The following FBXO31 variants were observed in gnomAD, a reference collection of about 807,000 sequenced individuals.
FBXO31 encodes the protein F-box protein 31, also known as F-box only protein 31.
A neutral mutation model predicts 54.4 loss-of-function variants in FBXO31; 24 were observed. That is an observed-to-expected ratio of 0.44 (90% CI 0.32 to 0.62). FBXO31 has a LOEUF of 0.62. FBXO31 is among the 20% of genes least tolerant of loss of function. The pLI, the probability that FBXO31 is intolerant of heterozygous loss-of-function variation, is 0.05. For synonymous variants in FBXO31, 388 were observed against 335.6 expected (o/e 1.16, Z -1.71); for missense variants, 665 against 787.1 (o/e 0.84, Z 1.86).
rs140255011 is a variant in FBXO31 at position 87,331,846 on chromosome 16, C to T, written c.1398-336G>A. On this transcript the variant is annotated intron_variant, in intron 8 of 8. Coordinates refer to ENST00000311635, the MANE Select transcript of FBXO31 (RefSeq NM_024735.5). ...ACAATGCTGAAACACTGAACTAAAA[C>T]GAGGTCTCTGCAGGCCCAGAGAGCT... 4.1e-3 allele frequency among the ~76,000 whole-genome samples: 623 copies of T among 152,334 alleles called. 2 individuals carry two copies. Among genetic ancestry groups the T allele is most frequent in the African/African-American group, 0.014 (585 of 41,580 alleles).
intron 2 of FBXO31, among the ~76,000 whole-genome samples, chr16:87,354,426 G>A (rs1401256484): frequency 6.6e-6 from 1 of 151,642 alleles, no homozygotes; most frequent in Non-Finnish European, 1.5e-5. Flanking sequence ...AGCCATAACC[G>A]CGCCAGTACT....
chr16:87,369,497 C>T (rs192120595), intron 1 of FBXO31, among the ~76,000 whole-genome samples: 156 of 152,342 alleles, frequency 1.0e-3, no homozygotes, highest in Non-Finnish European at 3.8e-4. Flanking sequence ...CTGCGTGCAT[C>T]ATCAGGATTT....
intron 8 of FBXO31, 121 bp from the exon 9 acceptor site, chr16:87,331,631 G>GAA: frequency 6.0e-6 from 5 of 837,328 alleles, no homozygotes; most frequent in Non-Finnish European, 9.2e-6. Flanking sequence ...TCATCAGCCA[G>GAA]AAGCTGACTC....
chr16:87,333,091 A>G (rs1029232302), intron 8 of FBXO31, among the ~76,000 whole-genome samples: 1 of 152,236 alleles, frequency 6.6e-6, no homozygotes, highest in African/African-American at 2.4e-5. Context: ...TCTAAAGGGT[A>G]AGGACACGGG....
At chr16:87,340,656 T>C (rs1905163029) in intron 5 of FBXO31, among the ~76,000 whole-genome samples, 1 of 152,048 alleles carries the variant, frequency 6.6e-6, no homozygotes, top group Non-Finnish European at 1.5e-5. Flanking sequence ...TACATCTGCT[T>C]ATGTAAAAAT....
rs1006883814 is a variant in FBXO31 at position 87,338,277 on chromosome 16, G to A, written c.733-2013C>T. Among the ~76,000 whole-genome samples the A allele has an allele frequency of 9.3e-5, 14 of 150,982 alleles. No individual in the cohort carries two copies. The highest frequency in any genetic ancestry group is 1.5e-4 in the Non-Finnish European group (10 of 67,862). Reference sequence around the variant, plus strand: ...GGGAGCCCAGGACATGCACGACAACGATCAACTTCACGTTGACCCAGGGCC... The same window carrying A: ...GGGAGCCCAGGACATGCACGACAACAATCAACTTCACGTTGACCCAGGGCC... On this transcript the variant is annotated intron_variant, in intron 5 of 8. Coordinates refer to ENST00000311635, the MANE Select transcript of FBXO31 (RefSeq NM_024735.5). This position sits in a 1 kb window ranked among gnomAD's most constrained non-coding sequence, Gnocchi z 4.3.
Position 87,330,922 on chromosome 16 carries a change from AGG to A in FBXO31, c.*364_*365del. The A allele has an allele frequency of 3.8e-6, 1 of 260,538 alleles. No homozygotes were observed. The highest frequency in any genetic ancestry group is 7.6e-6 in the Non-Finnish European group (1 of 131,428). The allele number at this position is 260,538 out of a possible 1,614,324, so 16.1% of individuals were successfully genotyped here. A position where few individuals can be genotyped will look rare whatever the true frequency, so the allele number is the denominator to read the frequency against. On this transcript the variant is annotated 3_prime_UTR_variant, in exon 9 of 9. Transcript: ENST00000311635. ...CCAGTCTATCACTCTATCCGCTCAC[AGG>A]AAGAGCACCAGTCAGGAGGGTCCTG...
chr16:87,346,290 G>A lies in FBXO31; in HGVS notation c.489+884C>T, dbSNP rs911747116. Among the ~76,000 whole-genome samples, 8 of 151,906 alleles carry A rather than the reference G, an allele frequency of 5.3e-5. No individual in the cohort carries two copies. The East Asian group carries it at 1.2e-3, about 22-fold the overall frequency. Reference sequence around the variant, plus strand: ...GGCCTCTTGAGGAGACCAGGCCACGGCACCCAGCAAGTGCCCAGGCGCACA... The same window carrying A: ...GGCCTCTTGAGGAGACCAGGCCACGACACCCAGCAAGTGCCCAGGCGCACA... On this transcript the variant is annotated intron_variant, in intron 3 of 8. Coordinates refer to ENST00000311635, the MANE Select transcript of FBXO31 (RefSeq NM_024735.5). The surrounding 1 kb of genome is among the most constrained non-coding windows in gnomAD (Gnocchi z 4.2).
chr16:87,334,993 T>C (rs1237265059), intron 7 of FBXO31, among the ~76,000 whole-genome samples: 1 of 152,210 alleles, frequency 6.6e-6, no homozygotes, highest in East Asian at 1.9e-4. Flanking sequence ...TGAGCCTCTG[T>C]GTGGGGTCTG....
At chr16:87,379,239 T>C (rs763724975) in intron 1 of FBXO31, among the ~76,000 whole-genome samples, 21 of 152,166 alleles carry the variant, frequency 1.4e-4, no homozygotes, top group South Asian at 4.2e-4. Context: ...AGCAATTCTC[T>C]GTAGGACAGA....
intron 1 of FBXO31, among the ~76,000 whole-genome samples, chr16:87,380,156 G>A (rs1183378956): frequency 6.6e-6 from 1 of 151,340 alleles, no homozygotes; most frequent in Non-Finnish European, 1.5e-5. Flanking sequence ...AAATTAGCCG[G>A]GCATAGTGGC....
At chr16:87,350,105 C>T (rs1219878869) in intron 2 of FBXO31, among the ~76,000 whole-genome samples, 2 of 152,080 alleles carry the variant, frequency 1.3e-5, no homozygotes, top group East Asian at 1.9e-4. Flanking sequence ...TGTGACTGGA[C>T]GAATGGGCAG....
intron 2 of FBXO31, among the ~76,000 whole-genome samples, chr16:87,353,037 G>A (rs564826786): frequency 1.1e-3 from 175 of 152,286 alleles, no homozygotes; most frequent in African/African-American, 4.0e-3. Flanking sequence ...GTGTTGCTCA[G>A]GGGACTCTAC....
In FBXO31 at chr16:87,336,686, T is replaced by A. The variant is rs1597358807; in HGVS notation, c.733-422A>T. On this transcript the variant is annotated intron_variant, in intron 5 of 8. Transcript: ENST00000311635. This position sits in a 1 kb window ranked among gnomAD's most constrained non-coding sequence, Gnocchi z 6.5. ...TCTCTGGCTCCTGGGAGCCTGAGTG[T>A]TCCAGAAGCCCTCACCACCAACCCT... is the stretch of plus-strand genomic sequence containing the variant. Among the ~76,000 whole-genome samples the A allele has an allele frequency of 6.6e-6, 1 of 152,144 alleles. No homozygotes were observed. Among genetic ancestry groups the A allele is most frequent in the African/African-American group, 2.4e-5 (1 of 41,430 alleles).
At chr16:87,332,887 CA>C (rs1345957762) in intron 8 of FBXO31, among the ~76,000 whole-genome samples, 3 of 152,184 alleles carry the variant, frequency 2.0e-5, no homozygotes, top group Non-Finnish European at 4.4e-5. Flanking sequence ...ACTTTGATGC[CA>C]GGAGACTGAC....
chr16:87,350,126 C>A (rs1306498466), intron 2 of FBXO31, among the ~76,000 whole-genome samples: 3 of 152,028 alleles, frequency 2.0e-5, no homozygotes, highest in Non-Finnish European at 1.5e-5. Context: ...GATCTCGGGG[C>A]TCTGCAGGCA....
At chr16:87,389,361 G>C (rs1461551948) in intron 1 of FBXO31, among the ~76,000 whole-genome samples, 1 of 152,134 alleles carries the variant, frequency 6.6e-6, no homozygotes, top group African/African-American at 2.4e-5. Context: ...TCAAAAACAC[G>C]CAGAGTAACC....
rs947405812 is a variant in FBXO31, at chr16:87,367,999, G to A, written c.341-7633C>T. ...ATTAACTGCTTGGACTTCTGAATGA[G>A]TCCAAGGTTTTTAGCTAGGATAGCC... On this transcript the variant is annotated intron_variant, in intron 1 of 8. Coordinates refer to ENST00000311635, the MANE Select transcript of FBXO31 (RefSeq NM_024735.5). The A allele has an allele frequency of 3.5e-4, 53 of 152,130 alleles. 1 individual carries two copies. The highest frequency in any genetic ancestry group is 1.0e-4 in the Non-Finnish European group (7 of 68,042). The allele number at this position is 152,130 out of a possible 1,614,324, so 9.4% of individuals were successfully genotyped here.
At chr16:87,378,980 A>T (rs1156968392) in intron 1 of FBXO31, among the ~76,000 whole-genome samples, 2 of 152,146 alleles carry the variant, frequency 1.3e-5, no homozygotes, top group Non-Finnish European at 2.9e-5. Flanking sequence ...AAAAAAACAA[A>T]ATATATAGAT....
Sources: allele counts gnomAD v4.1 joint callset (sites outside exome capture counted in the v4.1 genomes callset), GRCh38; gene constraint gnomAD v4.1.1; non-coding constraint Gnocchi (gnomAD v3.1); transcripts MANE v1.5; gene names NCBI Gene and HGNC (gene_info 2026-07-23, HGNC 2026-07-21).